The following ATP2B2 variants were observed in gnomAD, a reference collection of about 807,000 sequenced individuals.
The protein encoded by ATP2B2 is ATPase plasma membrane Ca2+ transporting 2.
In ATP2B2, 15 loss-of-function variants were observed where a neutral mutation model predicts 120.0. The observed-to-expected ratio is 0.12, with a 90% confidence interval of 0.08 to 0.19. The LOEUF (loss-of-function observed/expected upper bound fraction) is 0.19. Among genes scored for constraint, ATP2B2 ranks in the 10% least tolerant of loss-of-function variants. The pLI, the probability that ATP2B2 is intolerant of heterozygous loss-of-function variation, is 1.00. For synonymous variants in ATP2B2, 694 were observed against 700.3 expected (o/e 0.99, Z 0.14); for missense variants, 1,045 against 1,719.8 (o/e 0.61, Z 6.94).
At chr3:10,518,279 C>G (rs565054945) in intron 3 of ATP2B2, among the ~76,000 whole-genome samples, 9 of 152,172 alleles carry the variant, frequency 5.9e-5, no homozygotes, top group Non-Finnish European at 1.2e-4. Context: ...GTATTTTTCC[C>G]CTAACACATC....
intron 2 of ATP2B2, among the ~76,000 whole-genome samples, chr3:10,591,135 C>T (rs1183650951): frequency 6.6e-6 from 1 of 152,012 alleles, no homozygotes; most frequent in African/African-American, 2.4e-5. Flanking sequence ...CTTGGATTTT[C>T]CACCATGAAT....
intron 2 of ATP2B2, among the ~76,000 whole-genome samples, chr3:10,425,855 C>A (rs1388332140): frequency 1.3e-5 from 2 of 152,242 alleles, no homozygotes; most frequent in Non-Finnish European, 2.9e-5. Context: ...CTCTACCCTG[C>A]AGCCAGAGGG....
chr3:10,700,486 C>T (rs979101856), intron 1 of ATP2B2, among the ~76,000 whole-genome samples: 2 of 152,116 alleles, frequency 1.3e-5, no homozygotes, highest in African/African-American at 4.8e-5. Flanking sequence ...GAGATGAGGA[C>T]AGGGTGAAAC....
At chr3:10,502,359 G>C (rs2066429828) in intron 1 of ATP2B2, among the ~76,000 whole-genome samples, 1 of 152,214 alleles carries the variant, frequency 6.6e-6, no homozygotes, top group African/African-American at 2.4e-5. Context: ...AGGGCAGAGA[G>C]AGGAAGTGAC....
chr3:10,490,771 C>G (rs2125363584), intron 1 of ATP2B2, among the ~76,000 whole-genome samples: 1 of 152,316 alleles, frequency 6.6e-6, no homozygotes, highest in Admixed American at 6.5e-5. Flanking sequence ...GTGCATGTAG[C>G]TGACCTGGGC....
intron 1 of ATP2B2, among the ~76,000 whole-genome samples, chr3:10,645,419 C>T (rs533015505): frequency 1.1e-4 from 16 of 152,176 alleles, no homozygotes; most frequent in African/African-American, 3.9e-4. Context: ...CAGAGAGTGT[C>T]TTTGTTCTTA....
chr3:10,644,740 G>C (rs1417570519), intron 1 of ATP2B2, among the ~76,000 whole-genome samples: 1 of 152,188 alleles, frequency 6.6e-6, no homozygotes, highest in Non-Finnish European at 1.5e-5. Flanking sequence ...AGGAGCTGGA[G>C]GGAGAAGACA....
intron 2 of ATP2B2, among the ~76,000 whole-genome samples, chr3:10,429,155 T>C (rs1203834376): frequency 6.6e-6 from 1 of 152,140 alleles, no homozygotes; most frequent in Non-Finnish European, 1.5e-5. Context: ...GGGTCTCCTC[T>C]GTCTCCGGAT....
At chr3:10,555,945 C>G (rs1284529673) in intron 2 of ATP2B2, among the ~76,000 whole-genome samples, 1 of 152,204 alleles carries the variant, frequency 6.6e-6, no homozygotes, top group African/African-American at 2.4e-5. Flanking sequence ...GTCACCCAGG[C>G]TGGAGTGCAG....
chr3:10,555,903 CTTATT>C (rs1305043607), intron 2 of ATP2B2, among the ~76,000 whole-genome samples: 1 of 152,160 alleles, frequency 6.6e-6, no homozygotes, highest in African/African-American at 2.4e-5. Context: ...CAGAAGCCCT[CTTATT>C]TTATTTTGGA....
At chr3:10,362,593 GGAA>G (rs1182722592) in intron 12 of ATP2B2, among the ~76,000 whole-genome samples, 8 of 152,208 alleles carry the variant, frequency 5.3e-5, no homozygotes, top group African/African-American at 1.9e-4. Context: ...GGTAGAGTGA[GGAA>G]GAACTGCAGG....
intron 1 of ATP2B2, among the ~76,000 whole-genome samples, chr3:10,628,875 G>A (rs1434280394): frequency 6.6e-6 from 1 of 152,172 alleles, no homozygotes; most frequent in Non-Finnish European, 1.5e-5. Flanking sequence ...GGGAACTTCT[G>A]GTCACAACAT....
chr3:10,532,404 A>G (rs1273569359), intron 3 of ATP2B2, among the ~76,000 whole-genome samples: 2 of 152,222 alleles, frequency 1.3e-5, no homozygotes, highest in African/African-American at 4.8e-5. Context: ...ATAACAAAAC[A>G]GGTTGAATTC....
chr3:10,482,071 C>T (rs2065436978), intron 1 of ATP2B2, among the ~76,000 whole-genome samples: 1 of 152,096 alleles, frequency 6.6e-6, no homozygotes, highest in Non-Finnish European at 1.5e-5. Flanking sequence ...ACGTTAGTCC[C>T]CCTAGACTGC....
At chr3:10,467,485 A>T (rs1281221814) in intron 1 of ATP2B2, among the ~76,000 whole-genome samples, 1 of 152,228 alleles carries the variant, frequency 6.6e-6, no homozygotes, top group African/African-American at 2.4e-5. Flanking sequence ...ACCATTTTTG[A>T]GTTCCCAGCA....
At position 10,329,054 on chromosome 3, in the gene ATP2B2, G is replaced by C; in HGVS notation, c.3492C>G (p.Ile1164Met). 1 of 1,614,042 alleles carries C rather than the reference G, an allele frequency of 6.2e-7. No individual in the cohort carries two copies. Among genetic ancestry groups the C allele is most frequent in the Non-Finnish European group, 8.5e-7 (1 of 1,180,012 alleles). Residue 1164 changes from isoleucine to methionine, a missense_variant, in exon 23 of 23, where the codon ATC becomes ATG. By Grantham distance (10) the Ile-to-Met change is conservative (BLOSUM62 1). Coordinates refer to ENST00000360273, the MANE Select transcript of ATP2B2 (RefSeq NM_001001331.4). The surrounding 1 kb of genome is among the most constrained non-coding windows in gnomAD (Gnocchi z 5.9). ...ATTCAGGATGAGCCATGAAGTTATG[G>C]ATGGAGGTTCGAGATTCAGGCTTTT... ...GLEKPESRTSIHNFMAHPEFR... is the reference protein window; with the variant it reads ...GLEKPESRTSMHNFMAHPEFR...
intron 3 of ATP2B2, among the ~76,000 whole-genome samples, chr3:10,527,460 G>T (rs1010702987): frequency 6.6e-6 from 1 of 152,152 alleles, no homozygotes; most frequent in African/African-American, 2.4e-5. Flanking sequence ...CTCTTTCACC[G>T]CCCTCTGGAG....
At chr3:10,651,744 AATGG>A (rs36070242) in intron 1 of ATP2B2, among the ~76,000 whole-genome samples, 44,522 of 150,554 alleles carry the variant, frequency 0.3, 10,800 homozygotes, top group African/African-American at 0.67. Flanking sequence ...TGCATGTATG[AATGG>A]ATGGATGGAT....
chr3:10,601,811 C>T (rs1312833396), intron 2 of ATP2B2, among the ~76,000 whole-genome samples: 1 of 152,240 alleles, frequency 6.6e-6, no homozygotes, highest in Non-Finnish European at 1.5e-5. Context: ...ATGGAGGCCC[C>T]TGGAGTTCAG....
Sources: allele counts gnomAD v4.1 joint callset (sites outside exome capture counted in the v4.1 genomes callset), GRCh38; gene constraint gnomAD v4.1.1; non-coding constraint Gnocchi (gnomAD v3.1); transcripts MANE v1.5; gene names NCBI Gene and HGNC (gene_info 2026-07-23, HGNC 2026-07-21).